The following VAMP4 variants were observed in gnomAD, a reference collection of about 807,000 sequenced individuals.
VAMP4 encodes the protein vesicle associated membrane protein 4.
VAMP4 carries 19 observed loss-of-function variants against 23.5 expected under a neutral mutation model. That is an observed-to-expected ratio of 0.81 (90% confidence interval 0.56 to 1.19). VAMP4 has a LOEUF of 1.19. Among genes scored for constraint, VAMP4 ranks in the 50% most tolerant of loss-of-function variants. The pLI is 0.00. For missense variants in VAMP4, 145 were observed against 168.6 expected (o/e 0.86, Z 0.78); for synonymous variants, 31 against 51.0 (o/e 0.61, Z 1.67).
intron 2 of VAMP4, among the ~76,000 whole-genome samples, chr1:171,733,030 G>A (rs1406273304): frequency 6.6e-6 from 1 of 151,990 alleles, no homozygotes. Context: ...AGAAGAAATG[G>A]CCAATGACCA....
intron 4 of VAMP4, among the ~76,000 whole-genome samples, chr1:171,711,298 T>TA: frequency 6.6e-6 from 1 of 152,226 alleles, no homozygotes; most frequent in South Asian, 2.1e-4. Context: ...TTATGAAACA[T>TA]ACCTAGTTTC....
intron 4 of VAMP4, among the ~76,000 whole-genome samples, chr1:171,715,225 G>T (rs1036812097): frequency 3.9e-5 from 6 of 152,168 alleles, no homozygotes; most frequent in Admixed American, 2.0e-4. Flanking sequence ...CAAAGGAAAA[G>T]CTAGTTTCTG....
intron 3 of VAMP4, among the ~76,000 whole-genome samples, chr1:171,723,291 A>G (rs1201915441): frequency 6.6e-6 from 1 of 152,210 alleles, no homozygotes; most frequent in East Asian, 1.9e-4. Context: ...ACATCTTATC[A>G]GGAGACAGGG....
intron 1 of VAMP4, 142 bp downstream of exon 1, chr1:171,741,768 A>C (rs1572260362): frequency 6.7e-6 from 1 of 149,574 alleles, no homozygotes; most frequent in African/African-American, 2.5e-5. Flanking sequence ...ACCTTTTCCC[A>C]CTCCGGGGTC....
chr1:171,704,640 A>G, intron 7 of VAMP4, 106 bp from the exon 8 acceptor site: 2 of 851,094 alleles, frequency 2.3e-6, no homozygotes, highest in Non-Finnish European at 3.4e-6. Flanking sequence ...GAAATGGGTA[A>G]TGAGGATTGA....
At chr1:171,726,678 C>G (rs1339309893) in intron 3 of VAMP4, among the ~76,000 whole-genome samples, 4 of 151,626 alleles carry the variant, frequency 2.6e-5, no homozygotes, top group African/African-American at 9.7e-5. Context: ...GATTGTAGGC[C>G]TAAATATAAA....
At chr1:171,720,057 T>C (rs1346460875) in intron 3 of VAMP4, among the ~76,000 whole-genome samples, 1 of 151,756 alleles carries the variant, frequency 6.6e-6, no homozygotes, top group Non-Finnish European at 1.5e-5. Context: ...GAAACTTATT[T>C]AACATAATGT....
Position 171,703,073 on chromosome 1 carries a change from TAAATA to T in VAMP4, c.*1428_*1432del, listed in dbSNP as rs963182873. Reference sequence around the variant, plus strand: ...TTAAGATGACCAAAGAAATAAAACCTAAATAAAATAAACATAAAATCATTTTTCCC... The same window carrying T: ...TTAAGATGACCAAAGAAATAAAACCTAAATAAACATAAAATCATTTTTCCC... On this transcript the variant is annotated 3_prime_UTR_variant, in exon 8 of 8. Coordinates refer to ENST00000236192, the MANE Select transcript of VAMP4 (RefSeq NM_003762.5). The T allele has an allele frequency of 5.3e-5, 8 of 151,892 alleles. No individual in the cohort carries two copies. Among genetic ancestry groups the T allele is most frequent in the African/African-American group, 1.9e-4 (8 of 41,434 alleles). The allele number at this position is 151,892 out of a possible 1,614,324, so 9.4% of individuals were successfully genotyped here. A position where few individuals can be genotyped will look rare whatever the true frequency, so the allele number is the denominator to read the frequency against.
chr1:171,735,928 C>T (rs1209900440), intron 2 of VAMP4, among the ~76,000 whole-genome samples: 1 of 152,002 alleles, frequency 6.6e-6, no homozygotes, highest in Non-Finnish European at 1.5e-5. Context: ...ACTCTGTCAC[C>T]CAAGCTGGAG....
rs1424361311 is a variant in VAMP4, at chr1:171,703,564, CAA to C, written c.*940_*941del. The stretch of plus-strand genomic sequence containing the variant: ...TCTCCTCAAGGATGAACAGGAAATG[CAA>C]AGATATAAAATTCAAAGTATTAATA... On this transcript the variant is annotated 3_prime_UTR_variant, in exon 8 of 8. Coordinates refer to ENST00000236192, the MANE Select transcript of VAMP4 (RefSeq NM_003762.5). 2 of 149,720 alleles carry C rather than the reference CAA, an allele frequency of 1.3e-5. No individual in the cohort carries two copies. The highest frequency in any genetic ancestry group is 3.0e-5 in the Non-Finnish European group (2 of 67,280). 9.3% of individuals were successfully genotyped at this position (149,720 alleles called of 1,614,324 possible). A position where few individuals can be genotyped will look rare whatever the true frequency, so the allele number is the denominator to read the frequency against.
chr1:171,710,099 A>G (rs1227913866), intron 5 of VAMP4, among the ~76,000 whole-genome samples: 1 of 152,116 alleles, frequency 6.6e-6, no homozygotes, highest in Non-Finnish European at 1.5e-5. Context: ...AAAAAAAATT[A>G]CATGTTGAGA....
chr1:171,719,157 T>C lies in VAMP4; in HGVS notation c.164+14A>G. 3.1e-6 allele frequency: 5 copies of C among 1,609,072 alleles called. No individual in the cohort carries two copies. The highest frequency in any genetic ancestry group is 1.1e-5 in the South Asian group (1 of 90,098). ...GAAATATGATTATCATTTAAACAAA[T>C]GAACAAAACTTACTGCTTAATTTTA... On this transcript the variant is annotated intron_variant, in intron 4 of 7. Coordinates refer to ENST00000236192, the MANE Select transcript of VAMP4 (RefSeq NM_003762.5).
At chr1:171,705,985 A>G (rs1247094518) in intron 7 of VAMP4, among the ~76,000 whole-genome samples, 1 of 152,104 alleles carries the variant, frequency 6.6e-6, no homozygotes, top group Non-Finnish European at 1.5e-5. Flanking sequence ...GCAAACTGCC[A>G]TTCCTGAGAG....
At chr1:171,741,660 C>T (rs950496772) in intron 1 of VAMP4, among the ~76,000 whole-genome samples, 1 of 152,096 alleles carries the variant, frequency 6.6e-6, no homozygotes, top group African/African-American at 2.4e-5. Context: ...TCCCATCACC[C>T]CAGAGTACCC....
At chr1:171,735,316 T>C (rs974798007) in intron 2 of VAMP4, among the ~76,000 whole-genome samples, 1 of 152,252 alleles carries the variant, frequency 6.6e-6, no homozygotes, top group Non-Finnish European at 1.5e-5. Context: ...AATTAAAAAT[T>C]ATTAAATAAT....
intron 3 of VAMP4, among the ~76,000 whole-genome samples, chr1:171,725,106 C>T (rs553819354): frequency 1.1e-4 from 16 of 152,162 alleles, no homozygotes; most frequent in Non-Finnish European, 1.9e-4. Flanking sequence ...AAAGCCCTGG[C>T]AAACACCATT....
At position 171,722,905 on chromosome 1, in the gene VAMP4, GCATATACCC is replaced by G; in HGVS notation, c.114-3693_114-3685del. Among the ~76,000 whole-genome samples, 2 of 104,288 alleles carry G rather than the reference GCATATACCC, an allele frequency of 1.9e-5. 1 individual carries two copies. The highest frequency in any genetic ancestry group is 5.9e-4 in the South Asian group (2 of 3,370). The allele number at this position is 104,288 out of a possible 152,430, so 68.4% of individuals were successfully genotyped here. ...TTTGACCCAGCCATCCCATTACTGGGCATATACCCAAAGGATTATATCAAGGGAACCACC... is the reference window on the plus strand; with the variant it reads ...TTTGACCCAGCCATCCCATTACTGGGAAAGGATTATATCAAGGGAACCACC... On this transcript the variant is annotated intron_variant, in intron 3 of 7. Transcript: ENST00000236192.
rs778277884 is a variant in VAMP4 at position 171,719,157 on chromosome 1, T to A, written c.164+14A>T. ...GAAATATGATTATCATTTAAACAAA[T>A]GAACAAAACTTACTGCTTAATTTTA... On this transcript the variant is annotated intron_variant, in intron 4 of 7. Coordinates refer to ENST00000236192, the MANE Select transcript of VAMP4 (RefSeq NM_003762.5). 6.8e-6 allele frequency: 11 copies of A among 1,608,954 alleles called. No individual in the cohort carries two copies. In the Admixed American group the frequency reaches 1.9e-4, roughly 27 times the overall value.
intron 3 of VAMP4, among the ~76,000 whole-genome samples, chr1:171,726,067 G>T (rs553701506): frequency 8.0e-5 from 12 of 150,672 alleles, no homozygotes; most frequent in African/African-American, 2.7e-4. Context: ...TTTTTTTTTG[G>T]GGGGGGCGAA....
Sources: allele counts gnomAD v4.1 joint callset (sites outside exome capture counted in the v4.1 genomes callset), GRCh38; gene constraint gnomAD v4.1.1; transcripts MANE v1.5; gene names NCBI Gene and HGNC (gene_info 2026-07-23, HGNC 2026-07-21).